The following DNAAF11 variants were observed in gnomAD, a reference collection of about 807,000 sequenced individuals.
DNAAF11 encodes dynein axonemal assembly factor 11.
A neutral mutation model predicts 60.8 loss-of-function variants in DNAAF11; 45 were observed. The observed-to-expected ratio is 0.74, with a 90% CI of 0.58 to 0.95. The LOEUF (loss-of-function observed/expected upper bound fraction) is 0.95, where lower values mean the gene tolerates loss of function less well. DNAAF11 is among the 40% of genes least tolerant of loss of function. DNAAF11 has a pLI of 0.00. For synonymous variants in DNAAF11, 191 were observed against 183.5 expected, an observed-to-expected ratio of 1.04 and a Z score of -0.33; for missense variants, 546 against 546.2, an observed-to-expected ratio of 1.00 and a Z score of 0.00.
intron 10 of DNAAF11, among the ~76,000 whole-genome samples, chr8:132,606,626 C>G (rs1226200202): frequency 6.6e-6 from 1 of 152,156 alleles, no homozygotes; most frequent in Non-Finnish European, 1.5e-5. Context: ...CTGCCTTAGC[C>G]TCCTGAGTAG....
the DNAAF11 span, among the ~76,000 whole-genome samples, chr8:132,696,157 A>C: frequency 1.3e-5 from 2 of 152,224 alleles, no homozygotes; most frequent in Non-Finnish European, 2.9e-5. Flanking sequence ...GAAGCAGAGA[A>C]AGTGGGTTGC....
the DNAAF11 span, among the ~76,000 whole-genome samples, chr8:132,702,532 A>C: frequency 0.45 from 68,735 of 151,634 alleles, 18,773 homozygotes; most frequent in African/African-American, 0.78. Context: ...CCGTTGTCCC[A>C]GAGGTCATAA....
chr8:132,632,107 T>C (rs906042541), intron 5 of DNAAF11, among the ~76,000 whole-genome samples: 3 of 152,154 alleles, frequency 2.0e-5, no homozygotes, highest in Non-Finnish European at 4.4e-5. Context: ...AAGCTGCCTA[T>C]ATAACTATTT....
At chr8:132,698,648 T>C in the DNAAF11 span, among the ~76,000 whole-genome samples, 1 of 152,140 alleles carries the variant, frequency 6.6e-6, no homozygotes, top group Non-Finnish European at 1.5e-5. Context: ...AGTTCACTAA[T>C]GGGTCATATC....
chr8:132,676,502 G>C (rs184563446), upstream of DNAAF11, among the ~76,000 whole-genome samples: 1 of 152,344 alleles, frequency 6.6e-6, no homozygotes, highest in Non-Finnish European at 1.5e-5. Flanking sequence ...ACAGTATGGA[G>C]TGCGTGCTTC....
At chr8:132,700,587 C>T in the DNAAF11 span, among the ~76,000 whole-genome samples, 17 of 151,846 alleles carry the variant, frequency 1.1e-4, no homozygotes, top group African/African-American at 3.4e-4. Flanking sequence ...ACTTGGGAGG[C>T]TGAGGCAGGA....
At chr8:132,588,511 T>C (rs1179570636) in intron 10 of DNAAF11, among the ~76,000 whole-genome samples, 1 of 152,168 alleles carries the variant, frequency 6.6e-6, no homozygotes, top group Non-Finnish European at 1.5e-5. Flanking sequence ...AGATATGGAA[T>C]GATGGATTAA....
At chr8:132,603,717 G>A (rs1382089192) in intron 10 of DNAAF11, among the ~76,000 whole-genome samples, 2 of 152,078 alleles carry the variant, frequency 1.3e-5, no homozygotes, top group East Asian at 3.9e-4. Flanking sequence ...AGTGGACCAG[G>A]GCGGTAAATA....
chr8:132,616,838 G>A (rs1819210435), intron 7 of DNAAF11, among the ~76,000 whole-genome samples: 1 of 152,164 alleles, frequency 6.6e-6, no homozygotes, highest in Non-Finnish European at 1.5e-5. Context: ...AAGGGAGAGT[G>A]AGCAAAACAA....
intron 6 of DNAAF11, among the ~76,000 whole-genome samples, chr8:132,623,987 G>A (rs1820000755): frequency 6.6e-6 from 1 of 152,118 alleles, no homozygotes. Context: ...CCAAAACATA[G>A]TGACTCAGAT....
intron 11 of DNAAF11, among the ~76,000 whole-genome samples, chr8:132,579,136 G>C (rs528843381): frequency 1.2e-3 from 180 of 152,352 alleles, no homozygotes; most frequent in Middle Eastern, 0.01. Flanking sequence ...CAAATTGGCA[G>C]TGTTTTTCTC....
intron 7 of DNAAF11, among the ~76,000 whole-genome samples, chr8:132,616,667 G>A (rs893844991): frequency 2.0e-5 from 3 of 152,184 alleles, no homozygotes; most frequent in African/African-American, 7.2e-5. Flanking sequence ...GTCGTCATAA[G>A]TGTGCAATGA....
At chr8:132,635,946 G>T (rs887555402) in intron 4 of DNAAF11, among the ~76,000 whole-genome samples, 1 of 152,042 alleles carries the variant, frequency 6.6e-6, no homozygotes, top group African/African-American at 2.4e-5. Flanking sequence ...AGCTAGGAGG[G>T]AGGGCATGAA....
chr8:132,573,312 C>T (rs182046048), intron 11 of DNAAF11, among the ~76,000 whole-genome samples: 3 of 152,102 alleles, frequency 2.0e-5, no homozygotes, highest in Admixed American at 6.5e-5. Context: ...TGAACAGATA[C>T]GTGTTAAATA....
rs141305877 is a variant in DNAAF11 at position 132,639,229 on chromosome 8, T to C, written c.257-1122A>G. The stretch of plus-strand genomic sequence containing the variant: ...GTTTCTTTCTATGAGCTAAGAAGAG[T>C]TGACCTAGTTTATGCAGCAGCCTTT... On this transcript the variant is annotated intron_variant, in intron 3 of 11. Coordinates refer to ENST00000620350, the MANE Select transcript of DNAAF11 (RefSeq NM_012472.6). 2.0e-5 allele frequency among the ~76,000 whole-genome samples: 3 copies of C among 152,092 alleles called. No individual in the cohort carries two copies. The East Asian group carries it at 5.8e-4, about 29-fold the overall frequency.
At chr8:132,638,736 C>G (rs905419029) in intron 3 of DNAAF11, among the ~76,000 whole-genome samples, 10 of 152,146 alleles carry the variant, frequency 6.6e-5, no homozygotes, top group Admixed American at 5.2e-4. Flanking sequence ...AAGGGTGAGT[C>G]ACTGAAGTAG....
the DNAAF11 span, among the ~76,000 whole-genome samples, chr8:132,685,466 C>G: frequency 6.6e-6 from 1 of 152,152 alleles, no homozygotes; most frequent in Non-Finnish European, 1.5e-5. Flanking sequence ...CCTAATTACT[C>G]TAGTTTTAAA....
intron 10 of DNAAF11, among the ~76,000 whole-genome samples, chr8:132,607,246 A>C (rs1188255108): frequency 6.6e-6 from 1 of 152,212 alleles, no homozygotes; most frequent in African/African-American, 2.4e-5. Context: ...CTTCTAGCCT[A>C]GACAGTGACC....
intron 9 of DNAAF11, among the ~76,000 whole-genome samples, chr8:132,610,855 T>G (rs1351287999): frequency 6.6e-6 from 1 of 152,124 alleles, no homozygotes; most frequent in Non-Finnish European, 1.5e-5. Context: ...CTCTGTTTCA[T>G]TTCCCTTTTT....
Sources: allele counts gnomAD v4.1 joint callset (sites outside exome capture counted in the v4.1 genomes callset), GRCh38; gene constraint gnomAD v4.1.1; transcripts MANE v1.5; gene names NCBI Gene and HGNC (gene_info 2026-07-23, HGNC 2026-07-21).